The following ELP2 variants were observed in gnomAD, a reference collection of about 807,000 sequenced individuals.
The protein encoded by ELP2 is elongator complex protein 2.
ELP2 carries 90 observed loss-of-function variants against 119.2 expected under a neutral mutation model. That is an observed-to-expected ratio of 0.75 (90% CI 0.64 to 0.90). ELP2 has a LOEUF of 0.90. Among genes scored for constraint, ELP2 ranks in the 40% least tolerant of loss-of-function variants. The probability of loss-of-function intolerance (pLI) is 0.00; values close to 1 mark genes in which losing one functional copy is unlikely to be tolerated. For missense variants in ELP2, 921 were observed against 967.8 expected, an observed-to-expected ratio of 0.95 and a Z score of 0.64; for synonymous variants, 339 against 331.0, an observed-to-expected ratio of 1.02 and a Z score of -0.26.
rs2091297546 is a variant in ELP2, at chr18:36,179,821, T to G, written c.*5180T>G. On this transcript the variant is annotated 3_prime_UTR_variant, in exon 22 of 22. Transcript: ENST00000358232. ...TCTTTTCTCCTGACCAAGTTCTAGG[T>G]ATTTCATAGGGCAGTCTAGGTGAGG... The G allele has an allele frequency of 6.6e-6, 1 of 152,202 alleles. No homozygotes were observed. The highest frequency in any genetic ancestry group is 2.1e-4 in the South Asian group (1 of 4,828). The allele number at this position is 152,202 out of a possible 1,614,324, so 9.4% of individuals were successfully genotyped here. A position where few individuals can be genotyped will look rare whatever the true frequency, so the allele number is the denominator to read the frequency against.
At chr18:36,136,248 T>A in intron 2 of ELP2, 59 bp from the exon 3 acceptor site, 1 of 1,354,422 alleles carries the variant, frequency 7.4e-7, no homozygotes, top group Non-Finnish European at 1.1e-6. Context: ...AGCTTGGAAA[T>A]TTTTAAAAAT....
At chr18:36,156,693 C>T (rs767586212) in intron 13 of ELP2, 39 bp downstream of exon 13, 3 of 1,575,706 alleles carry the variant, frequency 1.9e-6, no homozygotes, top group Non-Finnish European at 2.6e-6. Flanking sequence ...AATCTAGTCA[C>T]TTCATTTTAA....
chr18:36,146,236 C>T lies in ELP2; in HGVS notation c.994-14C>T. On this transcript the variant is annotated splice_polypyrimidine_tract_variant and intron_variant, in intron 10 of 21. Transcript: ENST00000358232. ...CTATTGATTAAGAATTGTTTTCTGT[C>T]TGTTATTGTACAGGTTCGAGTAGGT... 1 of 1,613,946 alleles carries T rather than the reference C, an allele frequency of 6.2e-7. No homozygotes were observed. The highest frequency in any genetic ancestry group is 8.5e-7 in the Non-Finnish European group (1 of 1,179,930).
chr18:36,154,094 T>G (rs1388993891), intron 11 of ELP2, among the ~76,000 whole-genome samples: 3 of 140,948 alleles, frequency 2.1e-5, no homozygotes, highest in Non-Finnish European at 3.0e-5. Context: ...TGGCCAGACA[T>G]AATATAGTTT....
At chr18:36,135,714 TTCC>T (rs2089800000) in intron 2 of ELP2, among the ~76,000 whole-genome samples, 1 of 152,176 alleles carries the variant, frequency 6.6e-6, no homozygotes, top group Non-Finnish European at 1.5e-5. Context: ...TCATATAATG[TTCC>T]TGCCAAGAGT....
chr18:36,151,474 C>T (rs1054502620), intron 11 of ELP2, among the ~76,000 whole-genome samples: 1 of 152,140 alleles, frequency 6.6e-6, no homozygotes, highest in Non-Finnish European at 1.5e-5. Flanking sequence ...GGCGGGACTC[C>T]CTTTGGTCCA....
chr18:36,131,301 A>G (rs2089615528), intron 1 of ELP2, among the ~76,000 whole-genome samples: 1 of 152,196 alleles, frequency 6.6e-6, no homozygotes, highest in Non-Finnish European at 1.5e-5. Context: ...GCATTCTTGA[A>G]TGGCAAGAGA....
At chr18:36,169,160 A>G (rs2091001267) in intron 19 of ELP2, among the ~76,000 whole-genome samples, 1 of 151,678 alleles carries the variant, frequency 6.6e-6, no homozygotes, top group African/African-American at 2.4e-5. Context: ...TCCTGGCCTC[A>G]AGCAGTCCAC....
At position 36,141,210 on chromosome 18, in the gene ELP2, GT is replaced by G; in HGVS notation, c.588+12del. 6.3e-7 allele frequency: 1 copy of G among 1,597,452 alleles called. No individual in the cohort carries two copies. The highest frequency in any genetic ancestry group is 8.6e-7 in the Non-Finnish European group (1 of 1,165,022). On this transcript the variant is annotated intron_variant, in intron 6 of 21. Transcript: ENST00000358232. ...CTCAACAAAATGATCAGGTAATAAT[GT>G]TTATATTAAGAGGCTGGAATTATAT...
Position 36,174,984 on chromosome 18 carries a change from C to T in ELP2, c.*343C>T, listed in dbSNP as rs1039739875. On this transcript the variant is annotated 3_prime_UTR_variant, in exon 22 of 22. Transcript: ENST00000358232. ...CTGGGATTACAGGCGTGAGCCACTG[C>T]GCCCAGCCTGAGTTTCATTTTTTAA... is the stretch of plus-strand genomic sequence containing the variant. The T allele has an allele frequency of 2.4e-5, 7 of 291,742 alleles. No individual in the cohort carries two copies. The East Asian group carries it at 4.9e-4, about 20-fold the overall frequency. 18.1% of individuals were successfully genotyped at this position (291,742 alleles called of 1,614,324 possible). A position where few individuals can be genotyped will look rare whatever the true frequency, so the allele number is the denominator to read the frequency against.
At chr18:36,161,987 T>G (rs926743012) in intron 17 of ELP2, among the ~76,000 whole-genome samples, 1 of 152,182 alleles carries the variant, frequency 6.6e-6, no homozygotes, top group African/African-American at 2.4e-5. Context: ...TGATTTTTTT[T>G]CCCCCTTTTT....
At chr18:36,153,859 A>G (rs1343669113) in intron 11 of ELP2, among the ~76,000 whole-genome samples, 1 of 151,210 alleles carries the variant, frequency 6.6e-6, no homozygotes, top group African/African-American at 2.4e-5. Flanking sequence ...CTCTACCCCC[A>G]CACATCAACT....
rs1457178336 is a variant in ELP2 at position 36,149,471 on chromosome 18, G to GTTTTT, written c.1125+3092_1125+3096dup. Among the ~76,000 whole-genome samples the GTTTTT allele has an allele frequency of 4.0e-4, 27 of 66,944 alleles. 1 individual carries two copies. Among genetic ancestry groups the GTTTTT allele is most frequent in the African/African-American group, 1.1e-3 (25 of 22,982 alleles). 43.9% of individuals were successfully genotyped at this position (66,944 alleles called of 152,430 possible). A position where few individuals can be genotyped will look rare whatever the true frequency, so the allele number is the denominator to read the frequency against. On this transcript the variant is annotated intron_variant, in intron 11 of 21. Transcript: ENST00000358232. Reference sequence around the variant, plus strand: ...CAAGACTTAGAAACATAGTTGCAGGGTTTTTTGTTTTGTTTTGTTTTTTTT... The same window carrying GTTTTT: ...CAAGACTTAGAAACATAGTTGCAGGGTTTTTTTTTTTGTTTTGTTTTGTTTTTTTT...
chr18:36,156,433 A>G (rs773807134), intron 12 of ELP2, 33 bp from the exon 13 acceptor site: 1 of 1,607,246 alleles, frequency 6.2e-7, no homozygotes, highest in Non-Finnish European at 8.5e-7. Context: ...TCAGCTTTTG[A>G]ATGATCATTT....
chr18:36,159,962 T>C lies in ELP2; in HGVS notation c.1635T>C (p.Pro545=). Residue 545 remains proline, a synonymous_variant, in exon 16 of 22, where the codon CCT becomes CCC. Transcript: ENST00000358232. The stretch of plus-strand genomic sequence containing the variant: ...AATAGCTTCAATTTATTCTAGAGCC[T>C]CCCACTGAGGATCATCTTCTGCAGA... ...VAFQPSILTE[P]PTEDHLLQNT... is the part of the protein sequence containing the mutation. 1 of 1,614,076 alleles carries C rather than the reference T, an allele frequency of 6.2e-7. No individual in the cohort carries two copies.
At chr18:36,149,653 G>A (rs984692406) in intron 11 of ELP2, among the ~76,000 whole-genome samples, 2 of 151,806 alleles carry the variant, frequency 1.3e-5, no homozygotes, top group Non-Finnish European at 2.9e-5. Flanking sequence ...CATTTTACCA[G>A]TGTATTCCTC....
intron 1 of ELP2, among the ~76,000 whole-genome samples, chr18:36,130,949 C>A (rs569022990): frequency 1.3e-5 from 2 of 152,220 alleles, no homozygotes; most frequent in Admixed American, 6.5e-5. Flanking sequence ...GGGAGCATCG[C>A]TTGAGTCCAG....
intron 11 of ELP2, among the ~76,000 whole-genome samples, chr18:36,150,926 C>T (rs1490674138): frequency 6.6e-6 from 1 of 152,012 alleles, no homozygotes; most frequent in Non-Finnish European, 1.5e-5. Flanking sequence ...AGGAACTTCA[C>T]CCCCAGACCA....
chr18:36,148,369 G>A (rs976132902), intron 11 of ELP2, among the ~76,000 whole-genome samples: 2 of 152,158 alleles, frequency 1.3e-5, no homozygotes, highest in East Asian at 3.9e-4. Flanking sequence ...ACTGCGCCCA[G>A]CTGGTCGGGT....
Sources: gnomAD v4.1 joint callset for allele counts (sites outside exome capture counted in the v4.1 genomes callset) on GRCh38, gnomAD v4.1.1 for gene constraint, MANE v1.5 for transcripts, NCBI Gene and HGNC (gene_info 2026-07-23, HGNC 2026-07-21) for gene names.